Variants in RUNDC3B observed in about 807,000 individuals in gnomAD.
RUNDC3B encodes RUN domain-containing protein 3B.
A neutral mutation model predicts 58.4 loss-of-function variants in RUNDC3B; 33 were observed. That is an observed-to-expected ratio of 0.56 (90% CI 0.43 to 0.75). RUNDC3B has a LOEUF of 0.75. Among genes scored for constraint, RUNDC3B ranks in the 30% least tolerant of loss-of-function variants. The probability of loss-of-function intolerance (pLI) is 0.00; values close to 1 mark genes in which losing one functional copy is unlikely to be tolerated. For synonymous variants in RUNDC3B, 193 were observed against 195.2 expected (o/e 0.99, Z 0.10); for missense variants, 501 against 535.7 (o/e 0.94, Z 0.64).
chr7:87,745,170 C>G (rs56077323), intron 6 of RUNDC3B, among the ~76,000 whole-genome samples: 5,976 of 152,220 alleles, frequency 0.039, 176 homozygotes, highest in Non-Finnish European at 0.057. Flanking sequence ...ATGAAACCCA[C>G]TTGATCATGA....
chr7:87,732,930 G>A (rs929672417), intron 4 of RUNDC3B, among the ~76,000 whole-genome samples: 15 of 152,220 alleles, frequency 9.9e-5, no homozygotes, highest in East Asian at 3.9e-4. Flanking sequence ...TTTCCATAAC[G>A]TATGATTAAC....
chr7:87,629,015 C>G, intron 1 of RUNDC3B, 70 bp downstream of exon 1: 1 of 1,261,880 alleles, frequency 7.9e-7, no homozygotes. Context: ...CCGCGCGGGT[C>G]CTTGGGGGTC....
chr7:87,773,601 A>G (rs1834423353), intron 7 of RUNDC3B, among the ~76,000 whole-genome samples: 1 of 152,110 alleles, frequency 6.6e-6, no homozygotes, highest in South Asian at 2.1e-4. Context: ...TTTCAAGCAT[A>G]TATGGAACAG....
Position 87,628,912 on chromosome 7 carries a change from C to G in RUNDC3B, c.89C>G (p.Ala30Gly), listed in dbSNP as rs1279340526. Reference sequence around the variant, plus strand: ...AAAAGCCTGAGCGCCCGCAATGCTGCGGTGGAGAGGAGGAACCTGATCACC... The same window carrying G: ...AAAAGCCTGAGCGCCCGCAATGCTGGGGTGGAGAGGAGGAACCTGATCACC... Reference protein sequence around the residue: ...GKKSLSARNAAVERRNLITVC... With the variant: ...GKKSLSARNAGVERRNLITVC... Residue 30 changes from alanine (A) to glycine (G), a missense_variant, in exon 1 of 11, where the codon GCG (alanine) becomes GGG (glycine). Ala to Gly is a moderately conservative substitution (Grantham distance 60). Transcript: ENST00000394654. 7.6e-7 allele frequency: 1 copy of G among 1,308,966 alleles called. No individual in the cohort carries two copies. Among genetic ancestry groups the G allele is most frequent in the Non-Finnish European group, 9.8e-7 (1 of 1,020,580 alleles). The allele number at this position is 1,308,966 out of a possible 1,614,324, so 81.1% of individuals were successfully genotyped here. A position where few individuals can be genotyped will look rare whatever the true frequency, so the allele number is the denominator to read the frequency against.
intron 7 of RUNDC3B, among the ~76,000 whole-genome samples, chr7:87,771,261 A>G (rs1024340894): frequency 3.9e-5 from 6 of 151,936 alleles, no homozygotes; most frequent in Non-Finnish European, 7.4e-5. Flanking sequence ...TTATTCATAG[A>G]TGATATATAT....
intron 9 of RUNDC3B, among the ~76,000 whole-genome samples, chr7:87,810,646 C>A (rs1458026831): frequency 6.6e-6 from 1 of 152,034 alleles, no homozygotes; most frequent in East Asian, 1.9e-4. Context: ...GGAAATGGAT[C>A]CCTCTCATAA....
At chr7:87,722,182 C>T (rs919750822) in intron 4 of RUNDC3B, among the ~76,000 whole-genome samples, 3 of 151,770 alleles carry the variant, frequency 2.0e-5, no homozygotes, top group African/African-American at 7.3e-5. Context: ...TATCTATCAC[C>T]TCTTATACTT....
At chr7:87,828,070 T>C (rs1043362418) in intron 10 of RUNDC3B, among the ~76,000 whole-genome samples, 6 of 152,200 alleles carry the variant, frequency 3.9e-5, no homozygotes, top group African/African-American at 1.4e-4. Flanking sequence ...CTAGAAATTA[T>C]TGATAACTTT....
chr7:87,760,535 G>A (rs1833619438), intron 6 of RUNDC3B, among the ~76,000 whole-genome samples: 1 of 151,952 alleles, frequency 6.6e-6, no homozygotes, highest in African/African-American at 2.4e-5. Flanking sequence ...AAACAATCTT[G>A]AAATACAAAA....
At chr7:87,738,680 CATG>C (rs1832134747) in intron 4 of RUNDC3B, among the ~76,000 whole-genome samples, 2 of 151,970 alleles carry the variant, frequency 1.3e-5, no homozygotes, top group Admixed American at 1.3e-4. Context: ...ATTCATCTAA[CATG>C]AGCTTGTGCA....
chr7:87,728,987 A>G (rs1831414915), intron 4 of RUNDC3B, among the ~76,000 whole-genome samples: 1 of 152,030 alleles, frequency 6.6e-6, no homozygotes, highest in African/African-American at 2.4e-5. Flanking sequence ...TTTTTCACCA[A>G]TTTTATTTTC....
At chr7:87,810,507 C>CA (rs1037970949) in intron 9 of RUNDC3B, among the ~76,000 whole-genome samples, 2 of 152,138 alleles carry the variant, frequency 1.3e-5, no homozygotes, top group African/African-American at 4.8e-5. Flanking sequence ...ACTAGGAACT[C>CA]AGAGTAGGGG....
At chr7:87,789,148 C>T (rs571563215) in intron 8 of RUNDC3B, among the ~76,000 whole-genome samples, 122 of 152,278 alleles carry the variant, frequency 8.0e-4, no homozygotes, top group African/African-American at 2.4e-3. Context: ...TAAATAGCCA[C>T]GGAACAGCTT....
intron 6 of RUNDC3B, among the ~76,000 whole-genome samples, chr7:87,746,386 G>A (rs1388587780): frequency 6.6e-6 from 1 of 152,170 alleles, no homozygotes; most frequent in Non-Finnish European, 1.5e-5. Context: ...CCTCTCTAGT[G>A]CTGTCAGTGG....
At chr7:87,762,668 C>A (rs1380196194) in intron 6 of RUNDC3B, among the ~76,000 whole-genome samples, 1 of 151,078 alleles carries the variant, frequency 6.6e-6, no homozygotes, top group Admixed American at 6.6e-5. Context: ...TCATGCCTTC[C>A]ATTGTAAATG....
intron 1 of RUNDC3B, among the ~76,000 whole-genome samples, chr7:87,629,988 G>A (rs1312717122): frequency 6.6e-6 from 1 of 151,538 alleles, no homozygotes; most frequent in Non-Finnish European, 1.5e-5. Flanking sequence ...TTAACATGCT[G>A]ATATATTTTC....
intron 2 of RUNDC3B, among the ~76,000 whole-genome samples, chr7:87,690,838 A>G (rs1427026003): frequency 6.6e-6 from 1 of 152,178 alleles, no homozygotes; most frequent in Admixed American, 6.5e-5. Flanking sequence ...TAATCCATTT[A>G]CAGACCATTT....
intron 6 of RUNDC3B, among the ~76,000 whole-genome samples, chr7:87,750,845 T>C (rs955994500): frequency 6.6e-6 from 1 of 151,314 alleles, no homozygotes; most frequent in Non-Finnish European, 1.5e-5. Flanking sequence ...TTCACTCTGA[T>C]GGTAGTTTCT....
At chr7:87,643,456 T>G (rs1822654194) in intron 1 of RUNDC3B, among the ~76,000 whole-genome samples, 1 of 152,290 alleles carries the variant, frequency 6.6e-6, no homozygotes, top group South Asian at 2.1e-4. Context: ...ATAAAATATT[T>G]TAAATAGATT....
Sources: gnomAD v4.1 joint callset for allele counts (sites outside exome capture counted in the v4.1 genomes callset) on GRCh38, gnomAD v4.1.1 for gene constraint, MANE v1.5 for transcripts, NCBI Gene and HGNC (gene_info 2026-07-23, HGNC 2026-07-21) for gene names.